IYD: variants seen among roughly 807,000 people sequenced by gnomAD.
The protein encoded by IYD is iodotyrosine deiodinase 1.
In IYD, 25 loss-of-function variants were observed where a neutral mutation model predicts 28.4. That is an observed-to-expected ratio of 0.88 (90% CI 0.64 to 1.23). The LOEUF is 1.23. Ranked by LOEUF, IYD falls within the 50% of genes most tolerant of loss-of-function variation. The pLI, the probability that IYD is intolerant of heterozygous loss-of-function variation, is 0.00. For missense variants in IYD, 352 were observed against 357.9 expected (o/e 0.98, Z 0.13); for synonymous variants, 140 against 130.8 (o/e 1.07, Z -0.48).
chr6:150,372,628 G>A (rs1777303345), intron 1 of IYD, among the ~76,000 whole-genome samples: 1 of 52,322 alleles, frequency 1.9e-5, no homozygotes, highest in Non-Finnish European at 4.1e-5. Context: ...TTAGACATGT[G>A]TGTGTATGGG....
chr6:150,398,633 G>A lies in IYD; in HGVS notation c.*396G>A, dbSNP rs1374521469. 4.6e-5 allele frequency: 8 copies of A among 172,926 alleles called. No individual in the cohort carries two copies. The highest frequency in any genetic ancestry group is 4.9e-5 in the Non-Finnish European group (4 of 81,034). 10.7% of individuals were successfully genotyped at this position (172,926 alleles called of 1,614,324 possible). On this transcript the variant is annotated 3_prime_UTR_variant, in exon 5 of 5. Transcript: ENST00000344419. ...AATTTAAATTTAGATTAATCAAATG[G>A]TCTCCTGTTCTCTGATTTCTGGTGG...
At chr6:150,373,030 AAGAT>A (rs763038969) in intron 1 of IYD, among the ~76,000 whole-genome samples, 3 of 152,154 alleles carry the variant, frequency 2.0e-5, no homozygotes, top group Non-Finnish European at 4.4e-5. Flanking sequence ...AAAGAAGAAA[AAGAT>A]AGGAAACACA....
intron 3 of IYD, among the ~76,000 whole-genome samples, chr6:150,393,841 GT>G (rs1778210638): frequency 6.6e-6 from 1 of 152,184 alleles, no homozygotes; most frequent in Non-Finnish European, 1.5e-5. Context: ...TGCATGCTGG[GT>G]AATAGGACCT....
In IYD at chr6:150,392,451, C is replaced by T; in HGVS notation, c.477C>T (p.Ile159=). ...AGATCATTGAGGAGGAAGAGGAGAT[C>T]AACTACATGAAAAGGATGGGACATC... ...IRKIIEEEEE[I]NYMKRMGHRW... Residue 159 remains isoleucine (I), a synonymous_variant, in exon 3 of 5, where the codon ATC becomes ATT. Coordinates refer to ENST00000344419, the MANE Select transcript of IYD (RefSeq NM_203395.3). The T allele has an allele frequency of 6.2e-7, 1 of 1,613,920 alleles. No individual in the cohort carries two copies. The highest frequency in any genetic ancestry group is 8.5e-7 in the Non-Finnish European group (1 of 1,179,876).
intron 1 of IYD, among the ~76,000 whole-genome samples, chr6:150,372,330 G>A (rs1392681869): frequency 7.0e-6 from 1 of 143,050 alleles, no homozygotes; most frequent in Non-Finnish European, 1.6e-5. Flanking sequence ...GGTGGGGTGG[G>A]GGGTGGTGAG....
At chr6:150,374,537 A>G (rs1777375616) in intron 1 of IYD, among the ~76,000 whole-genome samples, 1 of 152,226 alleles carries the variant, frequency 6.6e-6, no homozygotes, top group Admixed American at 6.5e-5. Context: ...ACGTGGTGGC[A>G]GGCAAAGAGG....
chr6:150,369,552 T>G (rs1023851124), intron 1 of IYD, among the ~76,000 whole-genome samples: 1 of 152,198 alleles, frequency 6.6e-6, no homozygotes, highest in Non-Finnish European at 1.5e-5. Flanking sequence ...GGCCAGGTTT[T>G]GATCAGGAAC....
chr6:150,395,519 G>T (rs1174509659), intron 4 of IYD: 1 of 1,537,342 alleles, frequency 6.5e-7, no homozygotes, highest in Non-Finnish European at 8.7e-7. Flanking sequence ...GAGGGTCCTG[G>T]AAGAAGCAGC....
chr6:150,394,595 T>C (rs1562321650), intron 4 of IYD, among the ~76,000 whole-genome samples: 1 of 152,186 alleles, frequency 6.6e-6, no homozygotes, highest in Non-Finnish European at 1.5e-5. Flanking sequence ...TTACTGTTGC[T>C]CTCAGAGATG....
At chr6:150,385,958 A>G (rs187216071) in intron 1 of IYD, among the ~76,000 whole-genome samples, 1 of 152,078 alleles carries the variant, frequency 6.6e-6, no homozygotes, top group East Asian at 1.9e-4. Flanking sequence ...TAACATCTGT[A>G]CTGATGCCTC....
intron 1 of IYD, among the ~76,000 whole-genome samples, chr6:150,387,969 G>A (rs1223913994): frequency 6.6e-6 from 1 of 151,828 alleles, no homozygotes; most frequent in African/African-American, 2.4e-5. Context: ...CCAGTATTTG[G>A]AGTCTTTGGG....
intron 1 of IYD, among the ~76,000 whole-genome samples, chr6:150,387,791 G>A (rs1006931772): frequency 2.0e-5 from 3 of 151,770 alleles, no homozygotes; most frequent in Admixed American, 1.3e-4. Context: ...TATTTTTTCA[G>A]ATTGTTTATA....
At chr6:150,391,860 C>A (rs531120481) in intron 2 of IYD, among the ~76,000 whole-genome samples, 1 of 151,974 alleles carries the variant, frequency 6.6e-6, no homozygotes, top group African/African-American at 2.4e-5. Flanking sequence ...AGGCGCCCAC[C>A]ACCACACCCG....
At chr6:150,389,727 G>A (rs2115048355) in intron 2 of IYD, 184 bp downstream of exon 2, 1 of 603,630 alleles carries the variant, frequency 1.7e-6, no homozygotes, top group East Asian at 2.9e-5. Flanking sequence ...TCCACATTTT[G>A]ACTATTACAA....
rs554388318 is a variant in IYD at position 150,382,489 on chromosome 6, T to C, written c.179-6863T>C. ...ACTGAGTTTTAAAATCTCGGATTGG[T>C]ATTTTTCAACAATTTTGGAAAAATT... On this transcript the variant is annotated intron_variant, in intron 1 of 4. Transcript: ENST00000344419. Among the ~76,000 whole-genome samples the C allele has an allele frequency of 5.3e-5, 8 of 152,284 alleles. No homozygotes were observed. In the East Asian group the frequency reaches 1.5e-3, roughly 29 times the overall value.
chr6:150,380,361 G>A (rs1777603120), intron 1 of IYD, among the ~76,000 whole-genome samples: 2 of 151,946 alleles, frequency 1.3e-5, no homozygotes, highest in African/African-American at 2.4e-5. Context: ...CAAAATCATT[G>A]CTATTGGCAT....
rs541799806 is a variant in IYD, at chr6:150,403,858, G to A, written c.*5621G>A. The A allele has an allele frequency of 2.6e-5, 4 of 152,386 alleles. 1 individual carries two copies. The South Asian group carries it at 8.3e-4, about 32-fold the overall frequency. The allele number at this position is 152,386 out of a possible 1,614,324, so 9.4% of individuals were successfully genotyped here. ...TGGAAATATGTTAGCAATGCCTGCA[G>A]AGTGCCAAGTAAACGCAAAAGCCAA... On this transcript the variant is annotated 3_prime_UTR_variant, in exon 5 of 5. Coordinates refer to ENST00000344419, the MANE Select transcript of IYD (RefSeq NM_203395.3).
chr6:150,395,860 TTTG>T, intron 4 of IYD: 1 of 583,338 alleles, frequency 1.7e-6, no homozygotes, highest in Non-Finnish European at 3.1e-6. Flanking sequence ...TACTTAGATG[TTTG>T]TTATTTGGAG....
In IYD at chr6:150,396,701, G is replaced by C. The variant is rs373324134; in HGVS notation, c.688-1354G>C. On this transcript the variant is annotated intron_variant, in intron 4 of 4. Coordinates refer to ENST00000344419, the MANE Select transcript of IYD (RefSeq NM_203395.3). ...CATCCTGGCTAACATGGTGAAACCC[G>C]GCCTTTACTAAAAATACAAAAAATG... 103 of 295,752 alleles carry C rather than the reference G, an allele frequency of 3.5e-4. 1 individual carries two copies. Among genetic ancestry groups the C allele is most frequent in the South Asian group, 1.5e-3 (24 of 15,554 alleles). The allele number at this position is 295,752 out of a possible 1,614,324, so 18.3% of individuals were successfully genotyped here.
Sources: allele counts gnomAD v4.1 joint callset (sites outside exome capture counted in the v4.1 genomes callset), GRCh38; gene constraint gnomAD v4.1.1; transcripts MANE v1.5; gene names NCBI Gene and HGNC (gene_info 2026-07-23, HGNC 2026-07-21).